PCDHGA6: variants seen among roughly 807,000 people sequenced by gnomAD.
PCDHGA6 encodes the protein protocadherin gamma-A6.
A neutral mutation model predicts 60.6 loss-of-function variants in PCDHGA6; 41 were observed. That is an observed-to-expected ratio of 0.68 (90% confidence interval 0.53 to 0.88). The LOEUF is 0.88. PCDHGA6 is among the 40% of genes least tolerant of loss of function. PCDHGA6 has a pLI of 0.00. For synonymous variants in PCDHGA6, 594 were observed against 524.4 expected, an observed-to-expected ratio of 1.13 and a Z score of -1.81; for missense variants, 1,312 against 1,203.0, an observed-to-expected ratio of 1.09 and a Z score of -1.34.
chr5:141,510,894 A>G, intron 3 of PCDHGA6, 53 bp from the exon 4 acceptor site: 2 of 1,612,850 alleles, frequency 1.2e-6, no homozygotes, highest in Non-Finnish European at 8.5e-7. Flanking sequence ...TAAGACAGTG[A>G]CTGTTGAGGA....
At position 141,476,792 on chromosome 5, in the gene PCDHGA6, G is replaced by T. The variant is rs376910320; in HGVS notation, c.2425-18015G>T. ...GGACGGAGGGACCCCAGCTCTCTCC[G>T]CCAGCCTGCCTATTCACATCAAGGT... On this transcript the variant is annotated intron_variant, in intron 1 of 3. Coordinates refer to ENST00000517434, the MANE Select transcript of PCDHGA6 (RefSeq NM_018919.3). The surrounding 1 kb of genome is among the most constrained non-coding windows in gnomAD (Gnocchi z 7.6). 4.3e-6 allele frequency: 7 copies of T among 1,612,720 alleles called. No individual in the cohort carries two copies. Among genetic ancestry groups the T allele is most frequent in the Non-Finnish European group, 5.1e-6 (6 of 1,179,958 alleles).
chr5:141,450,006 C>CTTTT (rs1554136305), intron 1 of PCDHGA6, among the ~76,000 whole-genome samples: 4 of 132,984 alleles, frequency 3.0e-5, no homozygotes, highest in South Asian at 2.3e-4. Flanking sequence ...TGCCATGTCT[C>CTTTT]TTTTTTTTTT....
chr5:141,492,458 G>A (rs1333043781), intron 1 of PCDHGA6, among the ~76,000 whole-genome samples: 1 of 152,230 alleles, frequency 6.6e-6, no homozygotes, highest in Non-Finnish European at 1.5e-5. Flanking sequence ...GTGCGCGCCT[G>A]AGGGTCCCAG....
intron 1 of PCDHGA6, among the ~76,000 whole-genome samples, chr5:141,379,981 C>A (rs968805615): frequency 1.5e-5 from 2 of 135,234 alleles, no homozygotes; most frequent in East Asian, 5.0e-4. Flanking sequence ...CTCACTGCAA[C>A]TTCCTCCTCC....
intron 1 of PCDHGA6, chr5:141,428,224 G>A (rs1232582892): frequency 1.7e-6 from 2 of 1,164,198 alleles, no homozygotes; most frequent in Non-Finnish European, 1.3e-6. Flanking sequence ...AGTCTTCGCA[G>A]ACAGCCTGCA....
intron 1 of PCDHGA6, chr5:141,410,392 T>C: frequency 6.2e-7 from 1 of 1,614,050 alleles, no homozygotes; most frequent in African/African-American, 1.3e-5. Flanking sequence ...TCCATCCTGG[T>C]CTCTGTGTCA....
rs1196201183 is a variant in PCDHGA6, at chr5:141,490,944, G to A, written c.2425-3863G>A. ...ATGCCCCAGCTGTGCTGCACCCACG[G>A]CCAGACTGGGAACACTCAGCCCCCC... On this transcript the variant is annotated intron_variant, in intron 1 of 3. Transcript: ENST00000517434. This position sits in a 1 kb window ranked among gnomAD's most constrained non-coding sequence, Gnocchi z 5.4. 6.2e-7 allele frequency: 1 copy of A among 1,613,488 alleles called. No individual in the cohort carries two copies. The highest frequency in any genetic ancestry group is 1.3e-5 in the African/African-American group (1 of 74,906).
chr5:141,489,178 C>T lies in PCDHGA6; in HGVS notation c.2425-5629C>T, dbSNP rs909255357. ...GAGACTTCAGCTGCTGCATTCCAAG[C>T]CCTGGGTCTACCTTGGAGACAGGAC... On this transcript the variant is annotated intron_variant, in intron 1 of 3. Transcript: ENST00000517434. This position sits in a 1 kb window ranked among gnomAD's most constrained non-coding sequence, Gnocchi z 4.5. 54 of 1,234,872 alleles carry T rather than the reference C, an allele frequency of 4.4e-5. 1 individual carries two copies. In the East Asian group the frequency reaches 1.2e-3, roughly 29 times the overall value. 76.5% of individuals were successfully genotyped at this position (1,234,872 alleles called of 1,614,324 possible). A position where few individuals can be genotyped will look rare whatever the true frequency, so the allele number is the denominator to read the frequency against.
At position 141,375,929 on chromosome 5, in the gene PCDHGA6, CT is replaced by C. The variant is rs1378296851; in HGVS notation, c.1850del (p.Phe617SerfsTer26). The part of the protein sequence containing the change: ...YRLLKASEPG[L>X]FSVGLHTGEV... The stretch of plus-strand genomic sequence containing the variant: ...CCTGCTCAAGGCCAGCGAGCCAGGA[CT>C]TTTCTCAGTGGGCCTGCACACGGGC... On this transcript the variant is annotated frameshift_variant, in exon 1 of 4. Transcript: ENST00000517434. LOFTEE classifies it high-confidence loss of function. The C allele has an allele frequency of 1.9e-6, 3 of 1,613,620 alleles. No individual in the cohort carries two copies. Among genetic ancestry groups the C allele is most frequent in the Non-Finnish European group, 1.7e-6 (2 of 1,179,992 alleles).
Position 141,510,868 on chromosome 5 carries a change from T to C in PCDHGA6, c.2573-79T>C, listed in dbSNP as rs2099883142. 40 of 1,608,466 alleles carry C rather than the reference T, an allele frequency of 2.5e-5. No homozygotes were observed. The Middle Eastern group carries it at 4.9e-4, about 20-fold the overall frequency. On this transcript the variant is annotated intron_variant, in intron 3 of 3. Transcript: ENST00000517434. The stretch of plus-strand genomic sequence containing the variant: ...GCCCAGGGTGCTGTATAGGCATTCA[T>C]TAACTGCTGGGGATATAAGACAGTG...
chr5:141,395,081 A>G (rs749375075), intron 1 of PCDHGA6: 3 of 1,614,156 alleles, frequency 1.9e-6, no homozygotes, highest in South Asian at 1.1e-5. Context: ...ATTCCCAGGA[A>G]GTCTCCCTCA....
chr5:141,431,092 G>A lies in PCDHGA6; in HGVS notation c.2424+54585G>A. On this transcript the variant is annotated intron_variant, in intron 1 of 3. Coordinates refer to ENST00000517434, the MANE Select transcript of PCDHGA6 (RefSeq NM_018919.3). This position sits in a 1 kb window ranked among gnomAD's most constrained non-coding sequence, Gnocchi z 4.8. ...AATTAAATCTAGACATTCTGATGGAGGATAAAGTGAAAATATATGGAGTAG... is the reference window on the plus strand; with the variant it reads ...AATTAAATCTAGACATTCTGATGGAAGATAAAGTGAAAATATATGGAGTAG... 1 of 1,614,252 alleles carries A rather than the reference G, an allele frequency of 6.2e-7. No individual in the cohort carries two copies. The highest frequency in any genetic ancestry group is 1.1e-5 in the South Asian group (1 of 91,090).
In PCDHGA6 at chr5:141,472,980, C is replaced by CAAAA. The variant is rs60579131; in HGVS notation, c.2425-21813_2425-21810dup. ...CAGCCTGGGGAACAAGAGTGAAACT[C>CAAAA]AAAAAAAAAAAAAAAAAGAAAGAAA... On this transcript the variant is annotated intron_variant, in intron 1 of 3. Transcript: ENST00000517434. 5.5e-3 allele frequency among the ~76,000 whole-genome samples: 472 copies of CAAAA among 85,978 alleles called. 4 individuals carry two copies. The highest frequency in any genetic ancestry group is 0.013 in the Admixed American group (104 of 8,158). The allele number at this position is 85,978 out of a possible 152,430, so 56.4% of individuals were successfully genotyped here. A position where few individuals can be genotyped will look rare whatever the true frequency, so the allele number is the denominator to read the frequency against.
chr5:141,417,004 AT>A (rs1462550813), intron 1 of PCDHGA6: 1 of 149,888 alleles, frequency 6.7e-6, no homozygotes, highest in African/African-American at 2.5e-5. Context: ...ATCTCAAATA[AT>A]TCTATTATTT....
At chr5:141,458,563 G>T (rs1181785251) in intron 1 of PCDHGA6, among the ~76,000 whole-genome samples, 1 of 140,116 alleles carries the variant, frequency 7.1e-6, no homozygotes, top group Non-Finnish European at 1.5e-5. Context: ...TTTTGGTTTT[G>T]GGTTTTTGTT....
intron 1 of PCDHGA6, among the ~76,000 whole-genome samples, chr5:141,460,804 T>C (rs2098998238): frequency 1.3e-5 from 2 of 152,020 alleles, no homozygotes; most frequent in African/African-American, 4.8e-5. Flanking sequence ...AGTATATATA[T>C]GTATGTATAC....
intron 1 of PCDHGA6, chr5:141,427,590 C>G (rs768990626): frequency 5.9e-6 from 4 of 678,892 alleles, no homozygotes; most frequent in Non-Finnish European, 1.1e-5. Flanking sequence ...CAGCACAAGC[C>G]TCACCCTACG....
intron 1 of PCDHGA6, among the ~76,000 whole-genome samples, chr5:141,484,023 G>A (rs67828357): frequency 0.059 from 8,857 of 150,044 alleles, 313 homozygotes; most frequent in South Asian, 0.11. Context: ...GGTGGGGTGA[G>A]ATCAAGTCTC....
At chr5:141,420,216 T>C in intron 1 of PCDHGA6, 1 of 1,609,316 alleles carries the variant, frequency 6.2e-7, no homozygotes, top group African/African-American at 1.3e-5. Context: ...AAAGATAGCA[T>C]GCTACTGGCT....
Sources: gnomAD v4.1 joint callset for allele counts (sites outside exome capture counted in the v4.1 genomes callset) on GRCh38, gnomAD v4.1.1 for gene constraint, Gnocchi (gnomAD v3.1) non-coding constraint, MANE v1.5 for transcripts, NCBI Gene and HGNC (gene_info 2026-07-23, HGNC 2026-07-21) for gene names.